The following REDIC1 variants were observed in gnomAD, a reference collection of about 807,000 sequenced individuals.
The protein encoded by REDIC1 is regulator of DNA class I crossover intermediates 1, also known as HEI10 Interacting Protein 1.
the REDIC1 span, chr12:39,757,021 T>C: frequency 2.0e-5 from 3 of 151,798 alleles, no homozygotes; most frequent in Non-Finnish European, 4.4e-5. Flanking sequence ...TGGGAAATGA[T>C]TGACTAAGGA....
chr12:39,705,007 G>A, the REDIC1 span, among the ~76,000 whole-genome samples: 8 of 151,878 alleles, frequency 5.3e-5, no homozygotes, highest in Non-Finnish European at 1.0e-4. Context: ...CACCAACATG[G>A]CACATGTATA....
the REDIC1 span, among the ~76,000 whole-genome samples, chr12:39,662,559 G>C: frequency 1.3e-5 from 2 of 151,694 alleles, no homozygotes; most frequent in African/African-American, 4.8e-5. Context: ...CTAAATATAA[G>C]ATCATGTCAT....
the REDIC1 span, among the ~76,000 whole-genome samples, chr12:39,893,350 A>G: frequency 6.6e-6 from 1 of 152,074 alleles, no homozygotes. Flanking sequence ...CCCAGGCTGG[A>G]GCACAGTGGT....
At chr12:39,676,633 G>C in the REDIC1 span, among the ~76,000 whole-genome samples, 1 of 152,060 alleles carries the variant, frequency 6.6e-6, no homozygotes, top group Non-Finnish European at 1.5e-5. Context: ...ACAAAAAGAT[G>C]ATCACCTAGG....
At chr12:39,908,019 C>T in the REDIC1 span, 1 of 152,022 alleles carries the variant, frequency 6.6e-6, no homozygotes, top group Non-Finnish European at 1.5e-5. Flanking sequence ...AATTCATGAA[C>T]CACAATTCCC....
chr12:39,660,584 G>A, the REDIC1 span, among the ~76,000 whole-genome samples: 1 of 151,904 alleles, frequency 6.6e-6, no homozygotes, highest in African/African-American at 2.4e-5. Context: ...TTGCATGCAT[G>A]GAATGTGTAA....
At chr12:39,770,429 T>C in the REDIC1 span, among the ~76,000 whole-genome samples, 6 of 152,168 alleles carry the variant, frequency 3.9e-5, no homozygotes, top group Admixed American at 2.0e-4. Flanking sequence ...TTAATAGCCA[T>C]ATTCATTCAA....
At chr12:39,686,434 C>A in the REDIC1 span, among the ~76,000 whole-genome samples, 3 of 149,754 alleles carry the variant, frequency 2.0e-5, no homozygotes, top group East Asian at 5.9e-4. Context: ...AAGCAGCAGA[C>A]TGAGCTGTAC....
the REDIC1 span, among the ~76,000 whole-genome samples, chr12:39,893,492 G>A: frequency 1.3e-5 from 2 of 152,132 alleles, no homozygotes; most frequent in Admixed American, 1.3e-4. Flanking sequence ...TAGAGACGAG[G>A]TTTCACCATG....
the REDIC1 span, among the ~76,000 whole-genome samples, chr12:39,775,939 C>T: frequency 1.3e-5 from 2 of 152,144 alleles, no homozygotes; most frequent in Non-Finnish European, 2.9e-5. Flanking sequence ...TTCCTTTGAG[C>T]ATCATGTCAG....
At chr12:39,896,537 T>C in the REDIC1 span, among the ~76,000 whole-genome samples, 19 of 146,884 alleles carry the variant, frequency 1.3e-4, no homozygotes, top group African/African-American at 3.2e-4. Flanking sequence ...TACATGTATG[T>C]ATGTATGTGT....
At chr12:39,828,561 A>G in the REDIC1 span, among the ~76,000 whole-genome samples, 1 of 152,166 alleles carries the variant, frequency 6.6e-6, no homozygotes, top group Non-Finnish European at 1.5e-5. Context: ...TACTGAAGGT[A>G]AGAGAAACAT....
chr12:39,851,851 GA>G, the REDIC1 span, among the ~76,000 whole-genome samples: 1 of 152,108 alleles, frequency 6.6e-6, no homozygotes, highest in Non-Finnish European at 1.5e-5. Flanking sequence ...CCTGTGTCAA[GA>G]ATTTTTAAAA....
the REDIC1 span, among the ~76,000 whole-genome samples, chr12:39,896,197 T>C: frequency 1.4e-5 from 2 of 147,980 alleles, no homozygotes; most frequent in Non-Finnish European, 3.0e-5. Context: ...TATATATGTG[T>C]ATGTATACAT....
chr12:39,776,673 C>T, the REDIC1 span, among the ~76,000 whole-genome samples: 1 of 152,306 alleles, frequency 6.6e-6, no homozygotes, highest in Admixed American at 6.5e-5. Context: ...AGACTGCTGC[C>T]AGTCTGCTGA....
At chr12:39,754,376 C>T in the REDIC1 span, 1 of 152,050 alleles carries the variant, frequency 6.6e-6, no homozygotes, top group African/African-American at 2.4e-5. Context: ...TTTCAAGGGT[C>T]ATTTGACTTG....
chr12:39,734,580 G>T, the REDIC1 span, among the ~76,000 whole-genome samples: 2 of 152,172 alleles, frequency 1.3e-5, no homozygotes, highest in Admixed American at 1.3e-4. Flanking sequence ...GGGTTATTAG[G>T]ATTTTTTATG....
At chr12:39,888,685 T>C in the REDIC1 span, among the ~76,000 whole-genome samples, 1 of 152,250 alleles carries the variant, frequency 6.6e-6, no homozygotes, top group Non-Finnish European at 1.5e-5. Flanking sequence ...TGTTTGCTAA[T>C]AATGTGATGT....
the REDIC1 span, among the ~76,000 whole-genome samples, chr12:39,853,409 TA>T: frequency 1.1e-4 from 16 of 149,422 alleles, no homozygotes; most frequent in Admixed American, 4.0e-4. Flanking sequence ...TAACACTCTT[TA>T]AAAAAAAAAT....
Sources: gnomAD v4.1 joint callset for allele counts (sites outside exome capture counted in the v4.1 genomes callset) on GRCh38, gnomAD v4.1.1 for gene constraint, MANE v1.5 for transcripts, NCBI Gene and HGNC (gene_info 2026-07-23, HGNC 2026-07-21) for gene names.